Variants in USP13 observed in about 807,000 individuals in gnomAD.
The protein encoded by USP13 is ubiquitin carboxyl-terminal hydrolase 13.
In USP13, 68 loss-of-function variants were observed where a neutral mutation model predicts 107.8. The observed-to-expected ratio is 0.63, with a 90% CI of 0.52 to 0.77. The LOEUF (loss-of-function observed/expected upper bound fraction) is 0.77, where lower values mean the gene tolerates loss of function less well. USP13 is among the 30% of genes least tolerant of loss of function. The pLI is 0.00. For missense variants in USP13, 945 were observed against 1,093.3 expected, an observed-to-expected ratio of 0.86 and a Z score of 1.91; for synonymous variants, 377 against 389.5, an observed-to-expected ratio of 0.97 and a Z score of 0.38.
intron 6 of USP13, among the ~76,000 whole-genome samples, chr3:179,714,436 C>T (rs1041241015): frequency 1.3e-5 from 2 of 152,186 alleles, no homozygotes; most frequent in Admixed American, 1.3e-4. Context: ...TGTGGTACTT[C>T]CTGCTGCTCT....
intron 16 of USP13, among the ~76,000 whole-genome samples, chr3:179,758,793 C>T (rs139912155): frequency 0.027 from 4,083 of 151,946 alleles, 120 homozygotes; most frequent in Middle Eastern, 0.14. Flanking sequence ...CCACCGCGCC[C>T]GGCCCTTAAA....
At chr3:179,758,303 C>T (rs1470232743) in intron 16 of USP13, among the ~76,000 whole-genome samples, 2 of 152,092 alleles carry the variant, frequency 1.3e-5, no homozygotes, top group Non-Finnish European at 2.9e-5. Flanking sequence ...CAGGATCTCA[C>T]TCCATGGGAA....
At chr3:179,756,322 C>T (rs763254998) in intron 15 of USP13, among the ~76,000 whole-genome samples, 21 of 152,266 alleles carry the variant, frequency 1.4e-4, no homozygotes, top group Non-Finnish European at 2.9e-4. Context: ...ACTCAGGAGG[C>T]TGAGGCAAGA....
chr3:179,764,182 A>C lies in USP13; in HGVS notation c.2259+14A>C. On this transcript the variant is annotated intron_variant, in intron 18 of 20. Coordinates refer to ENST00000263966, the MANE Select transcript of USP13 (RefSeq NM_003940.3). ...CTACGAGCAACGGTGAGCATGAGAG[A>C]CTGTGTGTGTGTGTGTGTGTGTGTG... The C allele has an allele frequency of 1.3e-6, 2 of 1,541,386 alleles. No individual in the cohort carries two copies. The highest frequency in any genetic ancestry group is 1.7e-4 in the Middle Eastern group (1 of 5,790).
At position 179,759,119 on chromosome 3, in the gene USP13, C is replaced by T. The variant is rs1029771463; in HGVS notation, c.1949-1993C>T. On this transcript the variant is annotated intron_variant, in intron 16 of 20. Coordinates refer to ENST00000263966, the MANE Select transcript of USP13 (RefSeq NM_003940.3). ...GCCTCAGCCTCCCGAGTAGCTGGGA[C>T]TACAGGTGTGCACCACCACGCCTGG... 6.6e-5 allele frequency among the ~76,000 whole-genome samples: 10 copies of T among 151,938 alleles called. No individual in the cohort carries two copies. The South Asian group carries it at 1.5e-3, about 22-fold the overall frequency.
intron 12 of USP13, among the ~76,000 whole-genome samples, chr3:179,743,403 GA>G (rs981448019): frequency 1.3e-5 from 2 of 148,528 alleles, no homozygotes; most frequent in African/African-American, 4.9e-5. Context: ...TGAGAATAAA[GA>G]AAAAAAAATT....
chr3:179,716,095 T>G (rs925352093), intron 6 of USP13, among the ~76,000 whole-genome samples: 21 of 152,192 alleles, frequency 1.4e-4, no homozygotes, highest in Admixed American at 1.2e-3. Flanking sequence ...AAGCTAATTC[T>G]GTATTTTTAG....
chr3:179,783,949 C>T (rs1715835180), intron 20 of USP13, 99 bp from the exon 21 acceptor site: 2 of 891,382 alleles, frequency 2.2e-6, no homozygotes, highest in Non-Finnish European at 3.5e-6. Flanking sequence ...CTTAAAACAT[C>T]ATGGTTAAGT....
At chr3:179,752,408 C>G (rs774251313) in intron 14 of USP13, 35 bp downstream of exon 14, 1 of 1,497,836 alleles carries the variant, frequency 6.7e-7, no homozygotes, top group South Asian at 1.1e-5. Context: ...CTTAAAACAT[C>G]AAATGAGCCA....
At position 179,785,675 on chromosome 3, in the gene USP13, T is replaced by G. The variant is rs1715897208; in HGVS notation, c.*1534T>G. 6.6e-6 allele frequency: 1 copy of G among 152,156 alleles called. No individual in the cohort carries two copies. The highest frequency in any genetic ancestry group is 6.5e-5 in the Admixed American group (1 of 15,278). 9.4% of individuals were successfully genotyped at this position (152,156 alleles called of 1,614,324 possible). Reference sequence around the variant, plus strand: ...ACAAAGCACAGACATTGGGTTAGGATGTAGTGAGTTGTGAACAATCAGGAT... The same window carrying G: ...ACAAAGCACAGACATTGGGTTAGGAGGTAGTGAGTTGTGAACAATCAGGAT... On this transcript the variant is annotated 3_prime_UTR_variant, in exon 21 of 21. Transcript: ENST00000263966.
intron 3 of USP13, among the ~76,000 whole-genome samples, chr3:179,691,156 G>A (rs1712104271): frequency 7.6e-6 from 1 of 132,158 alleles, no homozygotes; most frequent in African/African-American, 2.9e-5. Context: ...GACAGAGCGG[G>A]ATCCTGTCTT....
chr3:179,658,816 A>G (rs1720367473), intron 1 of USP13, among the ~76,000 whole-genome samples: 2 of 152,218 alleles, frequency 1.3e-5, no homozygotes, highest in South Asian at 4.1e-4. Flanking sequence ...CCAAGTCTGT[A>G]TTTATAGGCA....
At chr3:179,710,328 T>C (rs1220570885) in intron 6 of USP13, among the ~76,000 whole-genome samples, 5 of 152,180 alleles carry the variant, frequency 3.3e-5, no homozygotes, top group African/African-American at 4.8e-5. Context: ...TTTTAGGGGA[T>C]TGTAGAAAGA....
intron 1 of USP13, among the ~76,000 whole-genome samples, chr3:179,674,604 A>G (rs1271728900): frequency 4.1e-5 from 6 of 147,368 alleles, no homozygotes; most frequent in Non-Finnish European, 9.0e-5. Flanking sequence ...ATGTGTGAAT[A>G]TTTTTGCACA....
rs769333748 is a variant in USP13, at chr3:179,784,149, A to G, written c.*8A>G. The G allele has an allele frequency of 2.5e-6, 4 of 1,592,552 alleles. No individual in the cohort carries two copies. Among genetic ancestry groups the G allele is most frequent in the Admixed American group, 1.9e-5 (1 of 53,478 alleles). On this transcript the variant is annotated 3_prime_UTR_variant, in exon 21 of 21. Coordinates refer to ENST00000263966, the MANE Select transcript of USP13 (RefSeq NM_003940.3). ...CGCAGGATACCAAGCTAAACCTCAA[A>G]TATAAAAATTGGCGAAAAGAAGCCA...
intron 6 of USP13, among the ~76,000 whole-genome samples, chr3:179,719,400 G>A (rs548212832): frequency 1.1e-3 from 162 of 152,250 alleles, no homozygotes; most frequent in Middle Eastern, 6.8e-3. Flanking sequence ...AAGGGATGTC[G>A]GGGGCAAGTG....
At chr3:179,655,983 G>T (rs1576902099) in intron 1 of USP13, among the ~76,000 whole-genome samples, 1 of 152,260 alleles carries the variant, frequency 6.6e-6, no homozygotes, top group Non-Finnish European at 1.5e-5. Context: ...TGCTAAACAC[G>T]CCAGAAACTT....
At chr3:179,770,763 C>T (rs991787571) in intron 19 of USP13, among the ~76,000 whole-genome samples, 1 of 152,082 alleles carries the variant, frequency 6.6e-6, no homozygotes, top group Admixed American at 6.6e-5. Flanking sequence ...CGCCACCACA[C>T]CCAGCTAATT....
intron 1 of USP13, among the ~76,000 whole-genome samples, chr3:179,655,757 T>A (rs148839485): frequency 6.6e-6 from 1 of 152,154 alleles, no homozygotes; most frequent in Non-Finnish European, 1.5e-5. Context: ...TTCGCCATGT[T>A]GGTTAGGCTG....
Sources: gnomAD v4.1 joint callset for allele counts (sites outside exome capture counted in the v4.1 genomes callset) on GRCh38, gnomAD v4.1.1 for gene constraint, MANE v1.5 for transcripts, NCBI Gene and HGNC (gene_info 2026-07-23, HGNC 2026-07-21) for gene names.